NHSL1: variants seen among roughly 807,000 people sequenced by gnomAD.
NHSL1 encodes the protein NHS like 1.
In NHSL1, 48 loss-of-function variants were observed where a neutral mutation model predicts 95.0. That is an observed-to-expected ratio of 0.51 (90% CI 0.40 to 0.64). NHSL1 has a LOEUF of 0.64. NHSL1 is among the 30% of genes least tolerant of loss of function. The pLI is 0.00. For missense variants in NHSL1, 1,971 were observed against 2,077.7 expected (o/e 0.95, Z 1.00); for synonymous variants, 783 against 833.9 (o/e 0.94, Z 1.05).
intron 2 of NHSL1, among the ~76,000 whole-genome samples, chr6:138,482,276 T>A (rs1406501548): frequency 1.3e-5 from 2 of 152,126 alleles, no homozygotes; most frequent in African/African-American, 2.4e-5. Flanking sequence ...TGACACTCCA[T>A]CTCTATTAAA....
chr6:138,430,564 A>G lies in NHSL1; in HGVS notation c.3781T>C (p.Ser1261Pro). ...CCTGCAGCTCCTCCCTCAAGAACCG[A>G]GGTGCCAGGGTGCGTGGCATGAGAG... Reference protein sequence around the residue: ...AGSHATHPGTSVLEGGAAGSM... With the variant: ...AGSHATHPGTPVLEGGAAGSM... Residue 1261 changes from serine (S) to proline (P), a missense_variant, in exon 6 of 8, where the codon TCG becomes CCG. Transcript: ENST00000343505. This position sits in a 1 kb window ranked among gnomAD's most constrained non-coding sequence, Gnocchi z 4.7. The G allele has an allele frequency of 6.4e-7, 1 of 1,550,838 alleles. No individual in the cohort carries two copies. The highest frequency in any genetic ancestry group is 1.4e-5 in the African/African-American group (1 of 73,120).
chr6:138,489,859 A>G (rs1779945782), intron 2 of NHSL1, among the ~76,000 whole-genome samples: 1 of 78,972 alleles, frequency 1.3e-5, no homozygotes, highest in African/African-American at 7.0e-5. Context: ...AGAGGGAGAG[A>G]GAGAGAGAGA....
intron 1 of NHSL1, among the ~76,000 whole-genome samples, chr6:138,611,847 T>C (rs981340278): frequency 2.0e-5 from 3 of 151,772 alleles, no homozygotes; most frequent in Non-Finnish European, 4.4e-5. Context: ...CAGTGTTTCA[T>C]GCCTGTAATC....
chr6:138,583,548 G>A (rs1321052196), intron 1 of NHSL1, among the ~76,000 whole-genome samples: 4 of 152,148 alleles, frequency 2.6e-5, no homozygotes, highest in South Asian at 2.1e-4. Flanking sequence ...CTGAAATTAT[G>A]CATTTGCCAT....
At chr6:138,613,378 C>A (rs776575054) in intron 1 of NHSL1, among the ~76,000 whole-genome samples, 11 of 152,148 alleles carry the variant, frequency 7.2e-5, no homozygotes, top group Non-Finnish European at 1.5e-4. Context: ...GTGATGGCCA[C>A]CACAGATGGG....
At chr6:138,633,235 C>T (rs1199948835) in intron 1 of NHSL1, among the ~76,000 whole-genome samples, 1 of 152,018 alleles carries the variant, frequency 6.6e-6, no homozygotes, top group Admixed American at 6.6e-5. Flanking sequence ...GTATATTGGC[C>T]TTAAAGAGGA....
chr6:138,453,032 G>A (rs775540318), intron 3 of NHSL1, among the ~76,000 whole-genome samples: 3 of 151,966 alleles, frequency 2.0e-5, no homozygotes, highest in Non-Finnish European at 2.9e-5. Flanking sequence ...GTGCAGTGTA[G>A]TGGCGCAATC....
intron 1 of NHSL1, among the ~76,000 whole-genome samples, chr6:138,589,243 G>C (rs191814699): frequency 6.6e-6 from 1 of 152,322 alleles, no homozygotes. Context: ...CAGTATGGGT[G>C]AGGCGTGAAG....
At chr6:138,692,744 G>A (rs1037003124), upstream of NHSL1, 3 of 151,412 alleles carry the variant, frequency 2.0e-5, no homozygotes, top group African/African-American at 7.3e-5. This position sits in a 1 kb window ranked among gnomAD's most constrained non-coding sequence, Gnocchi z 4.0. Flanking sequence ...CGGGCTCCAG[G>A]GTCCTCTGGT....
intron 1 of NHSL1, among the ~76,000 whole-genome samples, chr6:138,648,750 T>A (rs1043734113): frequency 6.6e-6 from 1 of 152,178 alleles, no homozygotes; most frequent in East Asian, 1.9e-4. Flanking sequence ...CTGTAACAGA[T>A]CATAAGAGCA....
Position 138,424,314 on chromosome 6 carries a change from C to T in NHSL1, c.4588G>A (p.Gly1530Arg). Reference protein sequence around the residue: ...SPMTVISEGEGEAVEPVDSIA... With the variant: ...SPMTVISEGEREAVEPVDSIA... ...CTGTCCACAGGCTCCACGGCTTCCC[C>T]TTCTCCCTCCGAGATGACGGTCATG... is the stretch of plus-strand genomic sequence containing the variant. Residue 1530 changes from glycine to arginine, a missense_variant, in exon 8 of 8, where the codon GGG becomes AGG. By Grantham distance (125) the Gly-to-Arg change is moderately radical. Transcript: ENST00000343505. The surrounding 1 kb of genome is among the most constrained non-coding windows in gnomAD (Gnocchi z 5.9). 2 of 1,525,036 alleles carry T rather than the reference C, an allele frequency of 1.3e-6. No homozygotes were observed. Among genetic ancestry groups the T allele is most frequent in the South Asian group, 1.2e-5 (1 of 80,526 alleles). The allele number at this position is 1,525,036 out of a possible 1,614,324, so 94.5% of individuals were successfully genotyped here. A position where few individuals can be genotyped will look rare whatever the true frequency, so the allele number is the denominator to read the frequency against.
upstream of NHSL1, among the ~76,000 whole-genome samples, chr6:138,549,325 G>T (rs570687163): frequency 6.6e-6 from 1 of 152,350 alleles, no homozygotes; most frequent in African/African-American, 2.4e-5. Flanking sequence ...GGAGGTTGCA[G>T]TGAGCCAAGA....
chr6:138,691,747 G>T (rs1361667059), intron 1 of NHSL1: 6 of 355,318 alleles, frequency 1.7e-5, no homozygotes, highest in Non-Finnish European at 3.3e-5. Context: ...CTGCTGAAAT[G>T]AAATGGATCA....
At chr6:138,651,544 A>G (rs956270893) in intron 1 of NHSL1, among the ~76,000 whole-genome samples, 1 of 152,214 alleles carries the variant, frequency 6.6e-6, no homozygotes, top group African/African-American at 2.4e-5. Context: ...TCCTCTTTCC[A>G]GATGTAGCAG....
At chr6:138,545,517 A>T in intron 1 of NHSL1, 1 of 851,360 alleles carries the variant, frequency 1.2e-6, no homozygotes, top group Non-Finnish European at 1.7e-6. Context: ...ACTCCCTCAA[A>T]CTTTGATTTT....
rs58115933 is a variant in NHSL1 at position 138,510,416 on chromosome 6, A to G, written c.17-14045T>C. 2.9e-3 allele frequency among the ~76,000 whole-genome samples: 439 copies of G among 152,338 alleles called. 1 individual carries two copies. The highest frequency in any genetic ancestry group is 0.01 in the African/African-American group (423 of 41,572). On this transcript the variant is annotated intron_variant, in intron 1 of 4. Transcript: ENST00000342260. Reference sequence around the variant, plus strand: ...GTACTTGGTTTTCTAGTAATGGTAAAGGTTAACCTAAATGAGGATAATATT... The same window carrying G: ...GTACTTGGTTTTCTAGTAATGGTAAGGGTTAACCTAAATGAGGATAATATT...
chr6:138,607,365 A>G (rs1460705888), intron 1 of NHSL1, among the ~76,000 whole-genome samples: 1 of 152,224 alleles, frequency 6.6e-6, no homozygotes, highest in Non-Finnish European at 1.5e-5. Flanking sequence ...AAAAAAACAA[A>G]AACAAAAGTA....
chr6:138,429,664 A>T, intron 7 of NHSL1, 47 bp downstream of exon 7: 1 of 1,466,444 alleles, frequency 6.8e-7, no homozygotes, highest in East Asian at 2.6e-5. Flanking sequence ...GCTTGGAAAG[A>T]AGGAATTACA....
At chr6:138,541,773 C>T (rs1782590386) in intron 1 of NHSL1, among the ~76,000 whole-genome samples, 1 of 152,234 alleles carries the variant, frequency 6.6e-6, no homozygotes, top group African/African-American at 2.4e-5. Context: ...TTTTCCTTTG[C>T]ATGACTGATC....
Sources: allele counts gnomAD v4.1 joint callset (sites outside exome capture counted in the v4.1 genomes callset), GRCh38; gene constraint gnomAD v4.1.1; non-coding constraint Gnocchi (gnomAD v3.1); transcripts MANE v1.5; gene names NCBI Gene and HGNC (gene_info 2026-07-23, HGNC 2026-07-21).